The following NRXN1 variants were observed in gnomAD, a reference collection of about 807,000 sequenced individuals.
The protein encoded by NRXN1 is neurexin-1.
Under a neutral mutation model 150.9 loss-of-function variants are expected in NRXN1, and 39 were observed. The ratio of observed to expected loss-of-function variants is 0.26; its 90% CI spans 0.20 to 0.34. NRXN1 has a LOEUF of 0.34. NRXN1 is among the 10% of genes least tolerant of loss of function. NRXN1 has a pLI of 1.00. For missense variants in NRXN1, 1,815 were observed against 1,949.9 expected, an observed-to-expected ratio of 0.93 and a Z score of 1.30; for synonymous variants, 924 against 757.0, an observed-to-expected ratio of 1.22 and a Z score of -3.62.
chr2:50,701,690 T>C (rs919908291), intron 5 of NRXN1, among the ~76,000 whole-genome samples: 7 of 152,198 alleles, frequency 4.6e-5, no homozygotes, highest in African/African-American at 1.7e-4. Context: ...TTGCATCACA[T>C]GGTAACTCCC....
intron 5 of NRXN1, among the ~76,000 whole-genome samples, chr2:50,833,629 G>A (rs1671707264): frequency 6.6e-6 from 1 of 152,156 alleles, no homozygotes; most frequent in African/African-American, 2.4e-5. Context: ...GTCAGTGGAT[G>A]CCATGGGTAA....
chr2:49,984,985 T>C (rs1680656509), intron 21 of NRXN1, among the ~76,000 whole-genome samples: 2 of 152,228 alleles, frequency 1.3e-5, no homozygotes, highest in South Asian at 2.1e-4. Flanking sequence ...GCATGTAATA[T>C]GTGACTATAG....
intron 17 of NRXN1, among the ~76,000 whole-genome samples, chr2:50,394,186 T>C (rs1297432665): frequency 6.6e-6 from 1 of 152,092 alleles, no homozygotes; most frequent in Non-Finnish European, 1.5e-5. Flanking sequence ...GGTAATTTCA[T>C]CTTGTCCTGC....
At chr2:50,068,958 G>C (rs1289391306) in intron 19 of NRXN1, among the ~76,000 whole-genome samples, 1 of 152,074 alleles carries the variant, frequency 6.6e-6, no homozygotes, top group Non-Finnish European at 1.5e-5. Context: ...TATTCTCAGA[G>C]GTTTATGCAT....
rs149609146 is a variant in NRXN1, at chr2:50,323,571, C to CTATATA, written c.3365-86607_3365-86602dup. 1.8e-3 allele frequency among the ~76,000 whole-genome samples: 257 copies of CTATATA among 144,372 alleles called. 1 individual carries two copies. The highest frequency in any genetic ancestry group is 7.5e-3 in the Middle Eastern group (2 of 266). The allele number at this position is 144,372 out of a possible 152,430, so 94.7% of individuals were successfully genotyped here. ...GACAACGCAAGTTTCGGGAAATAAA[C>CTATATA]TATATATATATATATATATATAACT... On this transcript the variant is annotated intron_variant, in intron 17 of 22. Coordinates refer to ENST00000401669, the MANE Select transcript of NRXN1 (RefSeq NM_001330078.2).
intron 5 of NRXN1, among the ~76,000 whole-genome samples, chr2:50,765,633 T>C (rs1179673108): frequency 6.6e-6 from 1 of 152,062 alleles, no homozygotes; most frequent in Non-Finnish European, 1.5e-5. Flanking sequence ...GGCTTCTTTC[T>C]ACATGCCGCA....
chr2:50,194,005 T>C (rs895991526), intron 18 of NRXN1, among the ~76,000 whole-genome samples: 2 of 152,308 alleles, frequency 1.3e-5, no homozygotes, highest in South Asian at 2.1e-4. Flanking sequence ...CTATCTGTTA[T>C]GTAATTTAAC....
intron 18 of NRXN1, among the ~76,000 whole-genome samples, chr2:50,210,813 A>G (rs2062961980): frequency 2.6e-5 from 4 of 151,514 alleles, no homozygotes. Flanking sequence ...TGATATTTAT[A>G]TATTATTATA....
chr2:50,506,287 G>T (rs771069878), intron 13 of NRXN1, among the ~76,000 whole-genome samples: 67 of 152,086 alleles, frequency 4.4e-4, no homozygotes, highest in Admixed American at 1.3e-4. Context: ...AAAGGGCCAA[G>T]AATATGACAT....
At chr2:50,352,165 C>T (rs949852429) in intron 17 of NRXN1, among the ~76,000 whole-genome samples, 5 of 151,854 alleles carry the variant, frequency 3.3e-5, no homozygotes, top group African/African-American at 9.7e-5. Context: ...CTACGTTGAA[C>T]AACAGTTAAG....
intron 11 of NRXN1, among the ~76,000 whole-genome samples, chr2:50,530,503 A>T (rs1205249067): frequency 6.6e-6 from 1 of 152,150 alleles, no homozygotes; most frequent in East Asian, 1.9e-4. Flanking sequence ...CTTTTTCCTA[A>T]TTCAGCCTGG....
intron 8 of NRXN1, among the ~76,000 whole-genome samples, chr2:50,611,461 C>T (rs1473996580): frequency 1.3e-5 from 2 of 152,128 alleles, no homozygotes; most frequent in African/African-American, 2.4e-5. Flanking sequence ...GCTTTGTGGA[C>T]TGAAGAGCTG....
At chr2:50,742,581 C>A (rs1699556727) in intron 5 of NRXN1, among the ~76,000 whole-genome samples, 1 of 145,502 alleles carries the variant, frequency 6.9e-6, no homozygotes, top group East Asian at 2.0e-4. Flanking sequence ...ACACTTCAGC[C>A]TGGGTGACAG....
At chr2:49,967,272 T>C (rs1677126892) in intron 21 of NRXN1, among the ~76,000 whole-genome samples, 2 of 152,124 alleles carry the variant, frequency 1.3e-5, no homozygotes, top group Admixed American at 6.6e-5. Context: ...AAAATATGTT[T>C]ATGACATTTC....
chr2:50,231,520 T>C (rs1212614524), intron 18 of NRXN1, among the ~76,000 whole-genome samples: 1 of 152,060 alleles, frequency 6.6e-6, no homozygotes, highest in Non-Finnish European at 1.5e-5. Flanking sequence ...AGAGCTTGGT[T>C]TCAAAATAAG....
At chr2:50,716,721 A>T (rs968778354) in intron 5 of NRXN1, among the ~76,000 whole-genome samples, 3 of 152,148 alleles carry the variant, frequency 2.0e-5, no homozygotes, top group Non-Finnish European at 4.4e-5. Context: ...GGAGCTAACA[A>T]TTGTTACAAT....
At position 50,228,711 on chromosome 2, in the gene NRXN1, AC is replaced by A. The variant is rs534235993; in HGVS notation, c.3546+8077del. Among the ~76,000 whole-genome samples, 9 of 152,088 alleles carry A rather than the reference AC, an allele frequency of 5.9e-5. No individual in the cohort carries two copies. The South Asian group carries it at 1.7e-3, about 28-fold the overall frequency. Reference sequence around the variant, plus strand: ...TCAATTAAATTTGATCTTTCACCAAACTTTTTTGTCTGTCAATCACGAATTT... The same window carrying A: ...TCAATTAAATTTGATCTTTCACCAAATTTTTTGTCTGTCAATCACGAATTT... On this transcript the variant is annotated intron_variant, in intron 18 of 22. Transcript: ENST00000401669.
Position 50,827,866 on chromosome 2 carries a change from A to T in NRXN1, c.832+94003T>A, listed in dbSNP as rs994408012. On this transcript the variant is annotated intron_variant, in intron 5 of 22. Coordinates refer to ENST00000401669, the MANE Select transcript of NRXN1 (RefSeq NM_001330078.2). ...ACAAAGCACATCTTGCACCGCCCTT[A>T]ATCCATTTAACCCTGACTGGACACA... 9.4e-5 allele frequency among the ~76,000 whole-genome samples: 14 copies of T among 149,358 alleles called. No individual in the cohort carries two copies. In the Admixed American group the frequency reaches 9.4e-4, roughly 10 times the overall value.
At chr2:50,711,069 AC>A (rs1695073355) in intron 5 of NRXN1, among the ~76,000 whole-genome samples, 1 of 152,200 alleles carries the variant, frequency 6.6e-6, no homozygotes, top group South Asian at 2.1e-4. Context: ...CTGTGTACTT[AC>A]TGGTCAAGTC....
Sources: allele counts gnomAD v4.1 joint callset (sites outside exome capture counted in the v4.1 genomes callset), GRCh38; gene constraint gnomAD v4.1.1; transcripts MANE v1.5; gene names NCBI Gene and HGNC (gene_info 2026-07-23, HGNC 2026-07-21).